Variants in UBN2 observed in about 807,000 individuals in gnomAD.
UBN2 encodes ubinuclein-2.
UBN2 carries 35 observed loss-of-function variants against 120.2 expected under a neutral mutation model. That is an observed-to-expected ratio of 0.29 (90% CI 0.22 to 0.39). The LOEUF (loss-of-function observed/expected upper bound fraction) is 0.39. UBN2 is among the 10% of genes least tolerant of loss of function. The probability of loss-of-function intolerance (pLI) is 1.00; values close to 1 mark genes in which losing one functional copy is unlikely to be tolerated. For missense variants in UBN2, 1,693 were observed against 1,663.2 expected (o/e 1.02, Z -0.31); for synonymous variants, 661 against 648.7 (o/e 1.02, Z -0.29).
At chr7:139,315,714 C>A in the UBN2 span, among the ~76,000 whole-genome samples, 3 of 152,138 alleles carry the variant, frequency 2.0e-5, no homozygotes, top group African/African-American at 7.2e-5. Context: ...CTACCAAACT[C>A]TTTTCCATAG....
intron 3 of UBN2, among the ~76,000 whole-genome samples, chr7:139,256,500 TC>T (rs1181427622): frequency 2.0e-5 from 3 of 152,220 alleles, no homozygotes; most frequent in African/African-American, 7.2e-5. Context: ...TACCTGGCTT[TC>T]ATCTTTAAAG....
At chr7:139,311,644 CTCTG>C (rs1426148822), downstream of UBN2, among the ~76,000 whole-genome samples, 1 of 152,214 alleles carries the variant, frequency 6.6e-6, no homozygotes, top group Non-Finnish European at 1.5e-5. Context: ...TCTGTCTCTC[CTCTG>C]TCTTTTTACT....
intron 17 of UBN2, among the ~76,000 whole-genome samples, chr7:139,295,842 A>T (rs772423275): frequency 6.6e-6 from 1 of 152,020 alleles, no homozygotes; most frequent in Non-Finnish European, 1.5e-5. Flanking sequence ...GATCACCTAC[A>T]CCTGGGAGGT....
chr7:139,270,813 C>T (rs949472702), intron 8 of UBN2, among the ~76,000 whole-genome samples: 6 of 151,908 alleles, frequency 3.9e-5, no homozygotes, highest in Non-Finnish European at 8.8e-5. Flanking sequence ...GGCACGATCT[C>T]GGCTCACCAC....
At chr7:139,270,249 T>C (rs77939696) in intron 8 of UBN2, among the ~76,000 whole-genome samples, 7,081 of 151,984 alleles carry the variant, frequency 0.047, 454 homozygotes, top group Admixed American at 0.19. Flanking sequence ...ATTCATCTTA[T>C]GTCTACATAT....
At position 139,231,911 on chromosome 7, in the gene UBN2, G is replaced by A; in HGVS notation, c.427G>A (p.Glu143Lys). Residue 143 changes from glutamate (E) to lysine (K), a missense_variant, in exon 1 of 18, where the codon GAG (glutamate) becomes AAG (lysine). Glu to Lys is a moderately conservative substitution (Grantham distance 56). This residue lies in a region of UBN2 where 663 missense variants were observed against 591.2 expected (regional missense o/e 1.12). Coordinates refer to ENST00000473989, the MANE Select transcript of UBN2 (RefSeq NM_173569.4). ...GGACCCCACCGACGAGAGCTGCGTG[G>A]AGTTCAGTTACCCGGAGCTGCTGCT... is the stretch of plus-strand genomic sequence containing the variant. The part of the protein sequence containing the change: ...LKDPTDESCV[E>K]FSYPELLLCG... 6.3e-7 allele frequency: 1 copy of A among 1,589,094 alleles called. No individual in the cohort carries two copies. Among genetic ancestry groups the A allele is most frequent in the Non-Finnish European group, 8.5e-7 (1 of 1,173,720 alleles).
At chr7:139,326,055 T>A in the UBN2 span, among the ~76,000 whole-genome samples, 1 of 146,776 alleles carries the variant, frequency 6.8e-6, no homozygotes, top group Non-Finnish European at 1.5e-5. Flanking sequence ...GCCAGTTCGA[T>A]GACCAGCCTG....
intron 1 of UBN2, 64 bp downstream of exon 1, chr7:139,232,016 G>C (rs1487284577): frequency 2.0e-6 from 3 of 1,521,802 alleles, no homozygotes; most frequent in Non-Finnish European, 2.7e-6. Flanking sequence ...GCCTTCCCCA[G>C]CTGGTTTGCA....
At chr7:139,259,476 T>A (rs1365609894) in intron 5 of UBN2, 106 bp downstream of exon 5, 2 of 1,422,186 alleles carry the variant, frequency 1.4e-6, no homozygotes, top group African/African-American at 2.9e-5. Flanking sequence ...CTGAGTCTAA[T>A]TTAGTACGTT....
chr7:139,320,403 G>A, the UBN2 span, among the ~76,000 whole-genome samples: 1 of 151,830 alleles, frequency 6.6e-6, no homozygotes, highest in East Asian at 1.9e-4. Context: ...AGAGTTTGCA[G>A]TGAGCTGAGA....
chr7:139,287,360 T>C (rs940610452), intron 15 of UBN2, among the ~76,000 whole-genome samples: 1 of 152,236 alleles, frequency 6.6e-6, no homozygotes, highest in African/African-American at 2.4e-5. Context: ...TGGGGAGTTA[T>C]TTCTGGAATT....
At position 139,306,368 on chromosome 7, in the gene UBN2, T is replaced by C. The variant is rs572508619; in HGVS notation, c.*8532T>C. 1 of 152,344 alleles carries C rather than the reference T, an allele frequency of 6.6e-6. No homozygotes were observed. The highest frequency in any genetic ancestry group is 1.5e-5 in the Non-Finnish European group (1 of 68,040). 9.4% of individuals were successfully genotyped at this position (152,344 alleles called of 1,614,324 possible). The stretch of plus-strand genomic sequence containing the variant: ...AAAATTGGGTTTTCTTTACTATACC[T>C]GCAAAATTACCAAGGGTTACCCCAA... On this transcript the variant is annotated 3_prime_UTR_variant, in exon 18 of 18. Coordinates refer to ENST00000473989, the MANE Select transcript of UBN2 (RefSeq NM_173569.4).
At position 139,295,476 on chromosome 7, in the gene UBN2, G is replaced by A. The variant is rs185239766; in HGVS notation, c.3994+1495G>A. Among the ~76,000 whole-genome samples the A allele has an allele frequency of 7.7e-3, 1,166 of 152,246 alleles. 5 individuals carry two copies. The highest frequency in any genetic ancestry group is 0.017 in the Middle Eastern group (5 of 294). On this transcript the variant is annotated intron_variant, in intron 17 of 17. Transcript: ENST00000473989. Reference sequence around the variant, plus strand: ...TGGCATGAATGTGGCCACCTGCAAGGAATTAAACAAGCAGGATTCTTGTGG... The same window carrying A: ...TGGCATGAATGTGGCCACCTGCAAGAAATTAAACAAGCAGGATTCTTGTGG...
chr7:139,273,774 GA>G (rs1797359774), intron 10 of UBN2, among the ~76,000 whole-genome samples, 156 bp from the exon 11 acceptor site: 1 of 152,152 alleles, frequency 6.6e-6, no homozygotes, highest in South Asian at 2.1e-4. Flanking sequence ...GATATCAAAG[GA>G]AATTGTTTCA....
In UBN2 at chr7:139,305,331, TCTCA is replaced by T. The variant is rs2131094339; in HGVS notation, c.*7503_*7506del. The T allele has an allele frequency of 6.6e-6, 1 of 152,312 alleles. No individual in the cohort carries two copies. Among genetic ancestry groups the T allele is most frequent in the African/African-American group, 2.4e-5 (1 of 41,570 alleles). The allele number at this position is 152,312 out of a possible 1,614,324, so 9.4% of individuals were successfully genotyped here. ...GGTTAAATTGTCTTTTACATCCTCT[TCTCA>T]CTCACTCTGGCAACCTATCCTGTGT... On this transcript the variant is annotated 3_prime_UTR_variant, in exon 18 of 18. Transcript: ENST00000473989.
intron 2 of UBN2, among the ~76,000 whole-genome samples, chr7:139,243,091 A>G (rs942607523): frequency 2.6e-5 from 4 of 152,218 alleles, no homozygotes; most frequent in Non-Finnish European, 5.9e-5. Flanking sequence ...CAGGGGGTCT[A>G]GTACTAAGAA....
At chr7:139,232,148 C>T (rs1479306270) in intron 1 of UBN2, among the ~76,000 whole-genome samples, 196 bp downstream of exon 1, 1 of 151,978 alleles carries the variant, frequency 6.6e-6, no homozygotes, top group Non-Finnish European at 1.5e-5. Flanking sequence ...GGCCGAGGCT[C>T]TCACCCGGCT....
chr7:139,261,194 G>A (rs1796919684), intron 5 of UBN2, 58 bp from the exon 6 acceptor site: 4 of 1,518,296 alleles, frequency 2.6e-6, no homozygotes, highest in Non-Finnish European at 3.5e-6. Flanking sequence ...GCTTATTTAT[G>A]TGACACTTTA....
Position 139,261,346 on chromosome 7 carries a change from G to C in UBN2, c.1000G>C (p.Glu334Gln). The change falls in exon 6 of 18, where the codon GAG becomes CAG. Residue 334 changes from glutamate (E) to glutamine (Q), a missense_variant. Transcript: ENST00000473989. ...LAAMIRKFQK[E>Q]KDALKKESNP... is the part of the protein sequence containing the mutation. ...TGCCATGATTAGAAAATTCCAGAAA[G>C]AGAAGGATGCATTAAAGAAGGAGTC... The C allele has an allele frequency of 6.2e-7, 1 of 1,614,164 alleles. No individual in the cohort carries two copies. The highest frequency in any genetic ancestry group is 8.5e-7 in the Non-Finnish European group (1 of 1,180,034).
Sources: gnomAD v4.1 joint callset for allele counts (sites outside exome capture counted in the v4.1 genomes callset) on GRCh38, gnomAD v4.1.1 for gene constraint, gnomAD v4.1.1 regional missense constraint, MANE v1.5 for transcripts, NCBI Gene and HGNC (gene_info 2026-07-23, HGNC 2026-07-21) for gene names.